CRK: variants seen among roughly 807,000 people sequenced by gnomAD.
CRK encodes the protein CRK proto-oncogene, adaptor protein.
CRK carries 4 observed loss-of-function variants against 29.8 expected under a neutral mutation model. That is an observed-to-expected ratio of 0.13 (90% confidence interval 0.07 to 0.31). The LOEUF (loss-of-function observed/expected upper bound fraction) is 0.31. Among genes scored for constraint, CRK ranks in the 10% least tolerant of loss-of-function variants. The pLI is 1.00. For missense variants in CRK, 274 were observed against 396.5 expected, an observed-to-expected ratio of 0.69 and a Z score of 2.62; for synonymous variants, 153 against 164.9, an observed-to-expected ratio of 0.93 and a Z score of 0.55.
intron 1 of CRK, among the ~76,000 whole-genome samples, chr17:1,451,523 C>A (rs1245782545): frequency 6.6e-6 from 1 of 152,004 alleles, no homozygotes; most frequent in African/African-American, 2.4e-5. Context: ...TGAGCCACTG[C>A]GCCCGGCCTC....
In CRK at chr17:1,436,795, A is replaced by G; in HGVS notation, c.602T>C (p.Ile201Thr). 1 of 1,582,192 alleles carries G rather than the reference A, an allele frequency of 6.3e-7. No individual in the cohort carries two copies. Among genetic ancestry groups the G allele is most frequent in the Non-Finnish European group, 8.6e-7 (1 of 1,165,762 alleles). ...GTGGGAACCCTCCTGGTTACCTCCA[A>G]TCAGAGCCGATACTGAGGCGGAGGC... ...RPASASVSAL[I>T]GGNQEGSHPQ... The change falls in exon 2 of 3, where the codon ATT becomes ACT. Residue 201 changes from isoleucine (I) to threonine (T), a missense_variant. Physicochemically the swap from Ile to Thr is moderately conservative, Grantham distance 89. Around this residue, in one of 3 missense-constraint regions of CRK, gnomAD observed 121 missense variants for 154.3 expected, o/e 0.78. Coordinates refer to ENST00000300574, the MANE Select transcript of CRK (RefSeq NM_016823.4).
chr17:1,450,719 AC>A (rs1262785669), intron 1 of CRK, among the ~76,000 whole-genome samples: 1 of 151,890 alleles, frequency 6.6e-6, no homozygotes, highest in Non-Finnish European at 1.5e-5. Context: ...CCCCGTCTGT[AC>A]TAAAAATACA....
chr17:1,430,509 A>G (rs1416963978), intron 2 of CRK, among the ~76,000 whole-genome samples: 3 of 146,778 alleles, frequency 2.0e-5, no homozygotes, highest in East Asian at 4.0e-4. Flanking sequence ...GATGCCCGCC[A>G]CCACGTCCGG....
rs1568004056 is a variant in CRK, at chr17:1,420,861, A to G, written c.*2652T>C. 6.6e-6 allele frequency: 1 copy of G among 152,140 alleles called. No homozygotes were observed. Among genetic ancestry groups the G allele is most frequent in the Admixed American group, 6.6e-5 (1 of 15,248 alleles). The allele number at this position is 152,140 out of a possible 1,614,324, so 9.4% of individuals were successfully genotyped here. On this transcript the variant is annotated 3_prime_UTR_variant, in exon 3 of 3. Coordinates refer to ENST00000300574, the MANE Select transcript of CRK (RefSeq NM_016823.4). ...GGCACATGTTTATATTTTATTTCAA[A>G]TTGGTTTGCTTATCACCTATTTCAA...
At chr17:1,424,776 G>A (rs1032768583) in intron 2 of CRK, 2 of 152,196 alleles carry the variant, frequency 1.3e-5, no homozygotes, top group African/African-American at 4.8e-5. Flanking sequence ...TGGTGAGCCT[G>A]ACACAGGTGG....
chr17:1,426,402 C>T (rs1447766180), intron 2 of CRK: 1 of 152,244 alleles, frequency 6.6e-6, no homozygotes, highest in Non-Finnish European at 1.5e-5. Flanking sequence ...ACTCTCACCA[C>T]ACCTGGCCTG....
At chr17:1,454,395 C>T (rs542588579) in intron 1 of CRK, among the ~76,000 whole-genome samples, 1 of 152,236 alleles carries the variant, frequency 6.6e-6, no homozygotes, top group East Asian at 1.9e-4. Flanking sequence ...ACAACATTAG[C>T]TGGTTATGGT....
At chr17:1,430,607 C>T (rs1402886066) in intron 2 of CRK, among the ~76,000 whole-genome samples, 13 of 150,514 alleles carry the variant, frequency 8.6e-5, no homozygotes, top group South Asian at 2.1e-4. Context: ...CCTCGTGATC[C>T]GCCCGCCTTG....
chr17:1,431,314 G>C (rs1598295817), intron 2 of CRK, among the ~76,000 whole-genome samples: 1 of 152,136 alleles, frequency 6.6e-6, no homozygotes, highest in Admixed American at 6.6e-5. Flanking sequence ...GGCATTCTAA[G>C]AACATTTTGC....
chr17:1,445,204 T>C (rs1196478024), intron 1 of CRK, among the ~76,000 whole-genome samples: 1 of 152,126 alleles, frequency 6.6e-6, no homozygotes, highest in Admixed American at 6.6e-5. Context: ...AATGTTAACT[T>C]TGGAAGCCAA....
Position 1,433,508 on chromosome 17 carries a change from GCTTTTT to G in CRK, c.777+3106_777+3111del, listed in dbSNP as rs1398036353. On this transcript the variant is annotated intron_variant, in intron 2 of 2. Transcript: ENST00000300574. Reference sequence around the variant, plus strand: ...CCACAGGTGCACACCACCACGCCTGGCTTTTTTTTTTTTTTTTTTTTTTTTTTGAGA... The same window carrying G: ...CCACAGGTGCACACCACCACGCCTGGTTTTTTTTTTTTTTTTTTTTTGAGA... 1.8e-4 allele frequency among the ~76,000 whole-genome samples: 21 copies of G among 114,366 alleles called. 1 individual carries two copies. The highest frequency in any genetic ancestry group is 1.6e-3 in the East Asian group (7 of 4,402). The allele number at this position is 114,366 out of a possible 152,430, so 75.0% of individuals were successfully genotyped here.
chr17:1,440,935 G>A (rs1157867867), intron 1 of CRK, among the ~76,000 whole-genome samples: 3 of 152,170 alleles, frequency 2.0e-5, no homozygotes, highest in Admixed American at 1.3e-4. Context: ...AGTTTTGTGA[G>A]TTTTTGGCTT....
At chr17:1,437,558 TCA>T (rs2073896275) in intron 1 of CRK, among the ~76,000 whole-genome samples, 1 of 152,076 alleles carries the variant, frequency 6.6e-6, no homozygotes, top group Non-Finnish European at 1.5e-5. Flanking sequence ...GGACGTGCTC[TCA>T]TACTTGATCA....
At chr17:1,453,907 TCAAA>T (rs1320890681) in intron 1 of CRK, among the ~76,000 whole-genome samples, 2 of 138,028 alleles carry the variant, frequency 1.4e-5, no homozygotes, top group East Asian at 2.2e-4. Context: ...AAACTCCGCC[TCAAA>T]CAAACAAAGC....
At chr17:1,432,445 C>G (rs564099706) in intron 2 of CRK, among the ~76,000 whole-genome samples, 1 of 136,278 alleles carries the variant, frequency 7.3e-6, no homozygotes, top group East Asian at 2.1e-4. Flanking sequence ...CCACTGTACT[C>G]CAGCCTGGGT....
At chr17:1,455,075 TCTGTTTCC>T (rs1414296722) in intron 1 of CRK, among the ~76,000 whole-genome samples, 3 of 152,160 alleles carry the variant, frequency 2.0e-5, no homozygotes, top group African/African-American at 7.2e-5. Context: ...CAGGGAAGGG[TCTGTTTCC>T]ATTGCCTCAC....
intron 2 of CRK, 93 bp from the exon 3 acceptor site, chr17:1,423,743 G>T: frequency 6.6e-7 from 1 of 1,508,526 alleles, no homozygotes. Flanking sequence ...CTGCCCATGT[G>T]ACTGCTCTAG....
intron 1 of CRK, among the ~76,000 whole-genome samples, chr17:1,446,074 T>C (rs1199338447): frequency 1.3e-5 from 2 of 152,108 alleles, no homozygotes; most frequent in East Asian, 1.9e-4. Context: ...GATATTATCT[T>C]AATAAGCCTA....
At chr17:1,430,456 A>G (rs2073831160) in intron 2 of CRK, among the ~76,000 whole-genome samples, 1 of 151,048 alleles carries the variant, frequency 6.6e-6, no homozygotes, top group African/African-American at 2.4e-5. Context: ...TCCCGGGTTC[A>G]CGCCATTCTC....
Sources: allele counts gnomAD v4.1 joint callset (sites outside exome capture counted in the v4.1 genomes callset), GRCh38; gene constraint gnomAD v4.1.1; regional missense constraint gnomAD v4.1.1; transcripts MANE v1.5; gene names NCBI Gene and HGNC (gene_info 2026-07-23, HGNC 2026-07-21).